HEPACAM2: variants seen among roughly 807,000 people sequenced by gnomAD.
HEPACAM2 encodes the protein mitotic kinetics regulator.
Under a neutral mutation model 49.6 loss-of-function variants are expected in HEPACAM2, and 49 were observed. The observed-to-expected ratio is 0.99, with a 90% CI of 0.78 to 1.25. HEPACAM2 has a LOEUF of 1.25. Among genes scored for constraint, HEPACAM2 ranks in the 50% most tolerant of loss-of-function variants. The pLI, the probability that HEPACAM2 is intolerant of heterozygous loss-of-function variation, is 0.00. For missense variants in HEPACAM2, 525 were observed against 557.2 expected (o/e 0.94, Z 0.58); for synonymous variants, 197 against 202.9 (o/e 0.97, Z 0.25).
chr7:93,210,110 A>T (rs1360019109), intron 3 of HEPACAM2, among the ~76,000 whole-genome samples: 2 of 151,918 alleles, frequency 1.3e-5, no homozygotes, highest in African/African-American at 2.4e-5. Context: ...GGAAAATTTT[A>T]AAAAATTCTT....
intron 2 of HEPACAM2, 74 bp from the exon 3 acceptor site, chr7:93,215,759 A>G: frequency 7.1e-7 from 1 of 1,400,970 alleles, no homozygotes; most frequent in Non-Finnish European, 9.8e-7. Flanking sequence ...AGGTCTTTCA[A>G]ATATGAACTC....
chr7:93,207,638 G>A (rs1354994243), intron 4 of HEPACAM2, among the ~76,000 whole-genome samples: 1 of 151,986 alleles, frequency 6.6e-6, no homozygotes, highest in Non-Finnish European at 1.5e-5. Context: ...GAATGAGTCT[G>A]AGATGACATT....
intron 4 of HEPACAM2, among the ~76,000 whole-genome samples, chr7:93,200,130 G>T (rs1028714760): frequency 3.3e-5 from 5 of 151,832 alleles, no homozygotes; most frequent in Admixed American, 3.3e-4. Context: ...ACTAGGTGAG[G>T]CAGGTTTTCT....
chr7:93,218,652 C>T (rs1411685564), intron 2 of HEPACAM2, among the ~76,000 whole-genome samples: 2 of 152,138 alleles, frequency 1.3e-5, no homozygotes, highest in Non-Finnish European at 1.5e-5. Context: ...CCTCAGAGGA[C>T]ATTTCCAGGC....
chr7:93,201,003 A>C (rs1793867987), intron 4 of HEPACAM2, among the ~76,000 whole-genome samples: 1 of 152,062 alleles, frequency 6.6e-6, no homozygotes, highest in Non-Finnish European at 1.5e-5. Flanking sequence ...GAATGTGCAC[A>C]TCTTTGGGAT....
chr7:93,215,363 C>T, intron 3 of HEPACAM2, 38 bp downstream of exon 3: 2 of 1,582,350 alleles, frequency 1.3e-6, no homozygotes, highest in African/African-American at 2.7e-5. Context: ...CAGAAAACAA[C>T]AAAAAACAAC....
At chr7:93,226,525 A>AGGGTCTGTTACCTC, upstream of HEPACAM2, 1 of 1,029,562 alleles carries the variant, frequency 9.7e-7, no homozygotes, top group Non-Finnish European at 1.5e-6. Context: ...GCAGTGAGGT[A>AGGGTCTGTTACCTC]ACAGACCCTA....
At chr7:93,210,753 C>A (rs1385748321) in intron 3 of HEPACAM2, among the ~76,000 whole-genome samples, 2 of 151,780 alleles carry the variant, frequency 1.3e-5, no homozygotes, top group Non-Finnish European at 2.9e-5. Context: ...AGCTATTTAT[C>A]TCTCAACATA....
At chr7:93,218,336 T>C (rs1241107486) in intron 2 of HEPACAM2, among the ~76,000 whole-genome samples, 1 of 151,904 alleles carries the variant, frequency 6.6e-6, no homozygotes, top group Non-Finnish European at 1.5e-5. Flanking sequence ...ATTGTGGTAT[T>C]GAGTGGGGCA....
At chr7:93,193,081 C>T (rs1047128995) in intron 8 of HEPACAM2, among the ~76,000 whole-genome samples, 4 of 152,058 alleles carry the variant, frequency 2.6e-5, no homozygotes, top group African/African-American at 9.7e-5. Flanking sequence ...TTTTCCTCCC[C>T]ATCCCAAATG....
upstream of HEPACAM2, among the ~76,000 whole-genome samples, chr7:93,228,677 T>TA (rs1794581000): frequency 6.6e-6 from 1 of 152,220 alleles, no homozygotes. Flanking sequence ...AAAGGGCCTG[T>TA]AGTGTTACTG....
At chr7:93,202,033 A>AAAAAAAAAAAAAAAC (rs1793903562) in intron 4 of HEPACAM2, among the ~76,000 whole-genome samples, 8 of 14,616 alleles carry the variant, frequency 5.5e-4, no homozygotes, top group African/African-American at 1.2e-3. Context: ...AAAAAAAACC[A>AAAAAAAAAAAAAAAC]AAAAAAAAAA....
At chr7:93,211,173 T>G (rs75083053) in intron 3 of HEPACAM2, among the ~76,000 whole-genome samples, 1 of 152,054 alleles carries the variant, frequency 6.6e-6, no homozygotes, top group Non-Finnish European at 1.5e-5. Flanking sequence ...GAAAACAGAC[T>G]AATCTATGTT....
intron 4 of HEPACAM2, among the ~76,000 whole-genome samples, chr7:93,201,329 T>C (rs1793877453): frequency 6.6e-6 from 1 of 152,164 alleles, no homozygotes; most frequent in South Asian, 2.1e-4. Context: ...ATTAGTAATA[T>C]ATTTCAGTTT....
At chr7:93,194,921 C>CTTTTTTTTTTT (rs80158728) in intron 8 of HEPACAM2, among the ~76,000 whole-genome samples, 10,411 of 117,012 alleles carry the variant, frequency 0.089, 1,138 homozygotes, top group African/African-American at 0.19. Context: ...TTTAAAAGAT[C>CTTTTTTTTTTT]TTTTTTTTTT....
chr7:93,197,590 T>G lies in HEPACAM2; in HGVS notation c.1033A>C (p.Lys345Gln). 6.9e-6 allele frequency: 11 copies of G among 1,597,360 alleles called. No homozygotes were observed. The highest frequency in any genetic ancestry group is 9.4e-6 in the Non-Finnish European group (11 of 1,171,186). Reference sequence around the variant, plus strand: ...GCTAAAGGTGACAATGATTTTCCTTTCTGTGCAAGCTTCTCCAGTCCTAAA... The same window carrying G: ...GCTAAAGGTGACAATGATTTTCCTTGCTGTGCAAGCTTCTCCAGTCCTAAA... ...TSVGLEKLAQ[K>Q]GKSLSPLASI... is the part of the protein sequence containing the mutation. Residue 345 changes from lysine (K) to glutamine (Q), a missense_variant, in exon 5 of 10, where the codon AAA (lysine) becomes CAA (glutamine). Coordinates refer to ENST00000394468, the MANE Select transcript of HEPACAM2 (RefSeq NM_001039372.4).
intron 3 of HEPACAM2, among the ~76,000 whole-genome samples, chr7:93,214,129 A>G (rs1794245815): frequency 6.6e-6 from 1 of 152,110 alleles, no homozygotes; most frequent in Non-Finnish European, 1.5e-5. Flanking sequence ...GTGTTTGTAC[A>G]TGTTATATGG....
intron 2 of HEPACAM2, among the ~76,000 whole-genome samples, chr7:93,218,713 A>G (rs1214658041): frequency 6.6e-6 from 1 of 152,112 alleles, no homozygotes; most frequent in Non-Finnish European, 1.5e-5. Context: ...TCCTCTTCCA[A>G]ACAGTGTACT....
At chr7:93,212,832 A>G (rs762432574) in intron 3 of HEPACAM2, among the ~76,000 whole-genome samples, 10 of 152,174 alleles carry the variant, frequency 6.6e-5, no homozygotes, top group Non-Finnish European at 1.0e-4. Flanking sequence ...GGGCAATCCA[A>G]TTGGAGATAT....
Sources: gnomAD v4.1 joint callset for allele counts (sites outside exome capture counted in the v4.1 genomes callset) on GRCh38, gnomAD v4.1.1 for gene constraint, MANE v1.5 for transcripts, NCBI Gene and HGNC (gene_info 2026-07-23, HGNC 2026-07-21) for gene names.